TMEM164: variants seen among roughly 807,000 people sequenced by gnomAD.
The protein encoded by TMEM164 is transmembrane protein 164, also known as RP13-360B22.2.
Under a neutral mutation model 18.8 loss-of-function variants are expected in TMEM164, and 4 were observed. The ratio of observed to expected loss-of-function variants is 0.21; its 90% CI spans 0.10 to 0.49. The LOEUF is 0.49. TMEM164 is among the 20% of genes least tolerant of loss of function. The pLI, the probability that TMEM164 is intolerant of heterozygous loss-of-function variation, is 0.98. For synonymous variants in TMEM164, 86 were observed against 101.7 expected, an observed-to-expected ratio of 0.85 and a Z score of 0.93; for missense variants, 108 against 239.9, an observed-to-expected ratio of 0.45 and a Z score of 3.63.
chrX:110,176,476 A>T lies in TMEM164; in HGVS notation c.*3025A>T. 1.4e-6 allele frequency: 1 copy of T among 736,038 alleles called. No homozygotes were observed. The highest frequency in any genetic ancestry group is 1.6e-6 in the Non-Finnish European group (1 of 621,348). 60.7% of individuals were successfully genotyped at this position (736,038 alleles called of 1,213,427 possible). On this transcript the variant is annotated 3_prime_UTR_variant, in exon 7 of 7. Coordinates refer to ENST00000372068, the MANE Select transcript of TMEM164 (RefSeq NM_032227.4). The stretch of plus-strand genomic sequence containing the variant: ...CTTTCTCTCTCTCTCCTCAAACTTC[A>T]TCGCATTCATAGAAGCTGCTTGCAG...
At chrX:110,086,668 G>GTA (rs1358796867) in intron 3 of TMEM164, among the ~76,000 whole-genome samples, 5 of 50,572 alleles carry the variant, frequency 9.9e-5, no homozygotes, top group African/African-American at 4.8e-4. Context: ...ATGTGTGTGT[G>GTA]TATATATGTG....
chrX:110,130,343 C>T (rs888800417), intron 4 of TMEM164, among the ~76,000 whole-genome samples: 1 of 111,893 alleles, frequency 8.9e-6, no homozygotes, highest in Non-Finnish European at 1.9e-5. Flanking sequence ...CATTTTCATC[C>T]TGGCTCTGTA....
At chrX:110,083,848 C>T (rs1452833595) in intron 3 of TMEM164, among the ~76,000 whole-genome samples, 1 of 111,190 alleles carries the variant, frequency 9.0e-6, no homozygotes, top group East Asian at 2.8e-4. Context: ...TTTTGTGTGT[C>T]TATGCTTAAT....
chrX:110,093,708 G>C (rs2065969405), intron 3 of TMEM164, among the ~76,000 whole-genome samples: 1 of 111,165 alleles, frequency 9.0e-6, no homozygotes, highest in Non-Finnish European at 1.9e-5. Flanking sequence ...TCTGATCTTA[G>C]TTATTTCTTG....
At chrX:110,034,761 A>ATG (rs2147765404) in intron 2 of TMEM164, among the ~76,000 whole-genome samples, 1 of 104,899 alleles carries the variant, frequency 9.5e-6, no homozygotes, top group Non-Finnish European at 2.0e-5. Context: ...CTATAAAGAC[A>ATG]CATGCACACG....
intron 4 of TMEM164, among the ~76,000 whole-genome samples, chrX:110,127,050 C>T (rs962697689): frequency 2.7e-5 from 3 of 111,195 alleles, no homozygotes; most frequent in Admixed American, 1.9e-4. Context: ...CAGAGGTCAA[C>T]TGTAACTTGG....
intron 2 of TMEM164, among the ~76,000 whole-genome samples, chrX:110,039,469 G>A (rs1309089981): frequency 8.9e-6 from 1 of 112,787 alleles, no homozygotes; most frequent in Non-Finnish European, 1.9e-5. Context: ...GAAATCTAAA[G>A]CAATTGCCAC....
At chrX:110,084,055 G>C (rs1427563720) in intron 3 of TMEM164, among the ~76,000 whole-genome samples, 3 of 110,631 alleles carry the variant, frequency 2.7e-5, no homozygotes, top group South Asian at 3.7e-4. Context: ...TCTTGCTTCT[G>C]ATTTTAATGG....
chrX:110,172,892 G>A (rs1481445167), intron 6 of TMEM164, among the ~76,000 whole-genome samples: 1 of 112,149 alleles, frequency 8.9e-6, no homozygotes, highest in Non-Finnish European at 1.9e-5. Context: ...CAGTTACGTG[G>A]AGGCAGGGCC....
At chrX:110,154,992 A>G (rs995245058) in intron 5 of TMEM164, among the ~76,000 whole-genome samples, 6 of 111,860 alleles carry the variant, frequency 5.4e-5, no homozygotes, top group African/African-American at 2.0e-4. Flanking sequence ...TGACTGGCAC[A>G]TAGTAAATAC....
chrX:110,011,400 A>G (rs923023406), intron 2 of TMEM164, among the ~76,000 whole-genome samples: 7 of 111,793 alleles, frequency 6.3e-5, no homozygotes, highest in African/African-American at 2.0e-4. Context: ...TAGCTCCATG[A>G]AAGCAAGGAC....
intron 2 of TMEM164, among the ~76,000 whole-genome samples, chrX:110,011,015 T>C (rs781280388): frequency 2.7e-5 from 3 of 112,105 alleles, no homozygotes; most frequent in Non-Finnish European, 5.6e-5. Context: ...GCTAACTCTC[T>C]GTTTGCAGGA....
chrX:110,062,268 A>G (rs1290751096), intron 2 of TMEM164, among the ~76,000 whole-genome samples: 2 of 112,190 alleles, frequency 1.8e-5, no homozygotes, highest in Non-Finnish European at 3.8e-5. Flanking sequence ...AAGTGCACAG[A>G]TGGTCACATC....
chrX:110,019,245 A>G (rs1325705073), intron 2 of TMEM164, among the ~76,000 whole-genome samples: 2 of 111,305 alleles, frequency 1.8e-5, no homozygotes, highest in African/African-American at 6.5e-5. Context: ...CCAGTGACCC[A>G]GGTTAAATCC....
intron 5 of TMEM164, among the ~76,000 whole-genome samples, chrX:110,146,426 T>A (rs1206797451): frequency 8.9e-6 from 1 of 112,390 alleles, no homozygotes; most frequent in Non-Finnish European, 1.9e-5. Context: ...CTTGGCTAAC[T>A]CTAAGATAAT....
intron 2 of TMEM164, among the ~76,000 whole-genome samples, chrX:110,057,464 G>A (rs959956090): frequency 1.8e-5 from 2 of 110,238 alleles, no homozygotes; most frequent in Non-Finnish European, 3.8e-5. Flanking sequence ...AAGGAATATA[G>A]GAGTGCAGAT....
At chrX:110,034,306 A>T (rs2147763777) in intron 2 of TMEM164, among the ~76,000 whole-genome samples, 1 of 112,464 alleles carries the variant, frequency 8.9e-6, no homozygotes, top group East Asian at 2.8e-4. Context: ...GCTGTTCCTT[A>T]AGGCTCTTCA....
chrX:110,121,674 T>A, intron 4 of TMEM164, among the ~76,000 whole-genome samples: 1 of 112,444 alleles, frequency 8.9e-6, no homozygotes, highest in Non-Finnish European at 1.9e-5. Flanking sequence ...TATAAAGCTA[T>A]CTGTTTGTCT....
At chrX:110,075,050 G>C (rs2065650896) in intron 3 of TMEM164, among the ~76,000 whole-genome samples, 1 of 112,012 alleles carries the variant, frequency 8.9e-6, no homozygotes. Flanking sequence ...GCTTCGGGTA[G>C]TATGGCCATT....
Sources: gnomAD v4.1 joint callset for allele counts (sites outside exome capture counted in the v4.1 genomes callset) on GRCh38, gnomAD v4.1.1 for gene constraint, MANE v1.5 for transcripts, NCBI Gene and HGNC (gene_info 2026-07-23, HGNC 2026-07-21) for gene names.